Variants in FAM222B observed in about 807,000 individuals in gnomAD.
FAM222B encodes family with sequence similarity 222 member B, also known as protein FAM222B.
In FAM222B, 12 loss-of-function variants were observed where a neutral mutation model predicts 38.0. The observed-to-expected ratio is 0.32, with a 90% CI of 0.20 to 0.51. FAM222B has a LOEUF of 0.51. Among genes scored for constraint, FAM222B ranks in the 20% least tolerant of loss-of-function variants. FAM222B has a pLI of 0.97. For missense variants in FAM222B, 716 were observed against 754.2 expected (o/e 0.95, Z 0.59); for synonymous variants, 329 against 317.2 (o/e 1.04, Z -0.40).
intron 1 of FAM222B, among the ~76,000 whole-genome samples, chr17:28,774,856 C>T (rs1191596140): frequency 6.6e-6 from 1 of 151,660 alleles, no homozygotes; most frequent in African/African-American, 2.4e-5. Flanking sequence ...GCAAGAGAAT[C>T]GCTTGAACTC....
chr17:28,800,034 C>G, intron 1 of FAM222B, among the ~76,000 whole-genome samples: 1 of 144,848 alleles, frequency 6.9e-6, no homozygotes, highest in South Asian at 2.2e-4. Flanking sequence ...ATGATACTTT[C>G]TTTTTTTTTT....
At chr17:28,795,247 C>T (rs777112379) in intron 1 of FAM222B, among the ~76,000 whole-genome samples, 1 of 152,148 alleles carries the variant, frequency 6.6e-6, no homozygotes, top group Non-Finnish European at 1.5e-5. Context: ...CCACTTCAAG[C>T]GATTCTCCCA....
At chr17:28,794,720 G>A (rs1033032327) in intron 1 of FAM222B, among the ~76,000 whole-genome samples, 2 of 152,160 alleles carry the variant, frequency 1.3e-5, no homozygotes, top group East Asian at 3.9e-4. Flanking sequence ...CTTCAAGAAA[G>A]GCAAATTATG....
At chr17:28,768,836 C>CAAAAAAAAAAAAAAAAAAAA in intron 1 of FAM222B, among the ~76,000 whole-genome samples, 1 of 70,878 alleles carries the variant, frequency 1.4e-5, no homozygotes, top group Non-Finnish European at 2.7e-5. Context: ...AACTCTGTCT[C>CAAAAAAAAAAAAAAAAAAAA]AAAAAAAAAA....
At chr17:28,829,078 G>C (rs2038553082) in intron 1 of FAM222B, among the ~76,000 whole-genome samples, 1 of 151,426 alleles carries the variant, frequency 6.6e-6, no homozygotes, top group African/African-American at 2.4e-5. Flanking sequence ...GCTAATTTTT[G>C]TATTTTTAGT....
intron 1 of FAM222B, among the ~76,000 whole-genome samples, chr17:28,794,956 G>A (rs993620047): frequency 3.9e-5 from 6 of 152,012 alleles, no homozygotes; most frequent in Non-Finnish European, 8.8e-5. Context: ...AGACAGGTGT[G>A]GTGGCACGCG....
chr17:28,828,816 G>T (rs150402787), intron 1 of FAM222B, among the ~76,000 whole-genome samples: 1 of 151,872 alleles, frequency 6.6e-6, no homozygotes, highest in Non-Finnish European at 1.5e-5. Context: ...ATGCATAGTT[G>T]TGTAACCACA....
At chr17:28,793,942 T>C (rs1301503563) in intron 1 of FAM222B, among the ~76,000 whole-genome samples, 3 of 151,922 alleles carry the variant, frequency 2.0e-5, no homozygotes, top group Non-Finnish European at 4.4e-5. Flanking sequence ...AGAGACAGGG[T>C]TTCTCCATGT....
chr17:28,768,257 TCTC>T (rs2035436332), intron 1 of FAM222B, among the ~76,000 whole-genome samples: 1 of 151,936 alleles, frequency 6.6e-6, no homozygotes, highest in African/African-American at 2.4e-5. Flanking sequence ...ACGACAAAAA[TCTC>T]CTTATTTTCT....
rs1306208657 is a variant in FAM222B, at chr17:28,756,535, A to C, written c.*1735T>G. On this transcript the variant is annotated 3_prime_UTR_variant, in exon 3 of 3. Coordinates refer to ENST00000581407, the MANE Select transcript of FAM222B (RefSeq NM_001077498.3). ...GGTGCTCTTTAAATCTGACTCAGAA[A>C]AGCAGGAACTGGAAGAGGGCCCTGG... The C allele has an allele frequency of 6.6e-6, 1 of 152,502 alleles. No homozygotes were observed. The highest frequency in any genetic ancestry group is 1.5e-5 in the Non-Finnish European group (1 of 68,088). The allele number at this position is 152,502 out of a possible 1,614,324, so 9.4% of individuals were successfully genotyped here.
At chr17:28,835,886 G>T (rs2038830897) in intron 1 of FAM222B, among the ~76,000 whole-genome samples, 1 of 151,928 alleles carries the variant, frequency 6.6e-6, no homozygotes. Context: ...TATTGCCCAG[G>T]CTGGTCTGGA....
At chr17:28,774,832 C>G (rs2035805772) in intron 1 of FAM222B, among the ~76,000 whole-genome samples, 1 of 151,776 alleles carries the variant, frequency 6.6e-6, no homozygotes, top group Non-Finnish European at 1.5e-5. Flanking sequence ...ATCCCAGCTA[C>G]TCAGGAGGCT....
intron 2 of FAM222B, 104 bp downstream of exon 2, chr17:28,766,482 T>C: frequency 3.6e-6 from 3 of 823,904 alleles, no homozygotes; most frequent in Non-Finnish European, 5.6e-6. Flanking sequence ...AAGAAAGGTG[T>C]CAAAATTCAA....
chr17:28,777,611 A>G (rs1423825727), intron 1 of FAM222B, among the ~76,000 whole-genome samples: 1 of 152,186 alleles, frequency 6.6e-6, no homozygotes, highest in African/African-American at 2.4e-5. Flanking sequence ...TAAATGTTTA[A>G]TAACTTTTAC....
At chr17:28,813,643 G>T (rs1006058723) in intron 1 of FAM222B, among the ~76,000 whole-genome samples, 3 of 151,380 alleles carry the variant, frequency 2.0e-5, no homozygotes, top group Admixed American at 6.6e-5. Context: ...TCTCCTGCCT[G>T]AGCCTCCCAA....
chr17:28,777,964 A>AT (rs2035968209), intron 1 of FAM222B, among the ~76,000 whole-genome samples: 1 of 105,298 alleles, frequency 9.5e-6, no homozygotes, highest in Non-Finnish European at 2.0e-5. Context: ...AATTTTTTGT[A>AT]TTTTTAGTAG....
rs898089415 is a variant in FAM222B, at chr17:28,801,582, G to A, written c.-40-34875C>T. ...AAACAGGCTGGGCATGGTGGCTCACGCCTGTAATCCCAGCACTTTACTATT... is the reference window on the plus strand; with the variant it reads ...AAACAGGCTGGGCATGGTGGCTCACACCTGTAATCCCAGCACTTTACTATT... On this transcript the variant is annotated intron_variant, in intron 1 of 2. Transcript: ENST00000581407. Among the ~76,000 whole-genome samples, 6 of 151,942 alleles carry A rather than the reference G, an allele frequency of 3.9e-5. No individual in the cohort carries two copies. The East Asian group carries it at 1.2e-3, about 29-fold the overall frequency.
chr17:28,768,004 C>A (rs1197804369), intron 1 of FAM222B, among the ~76,000 whole-genome samples: 1 of 152,140 alleles, frequency 6.6e-6, no homozygotes, highest in Non-Finnish European at 1.5e-5. Flanking sequence ...CATGTCAAGA[C>A]CGCACGAGTT....
chr17:28,839,687 G>A (rs990982068), intron 1 of FAM222B, among the ~76,000 whole-genome samples: 1 of 152,042 alleles, frequency 6.6e-6, no homozygotes, highest in Non-Finnish European at 1.5e-5. Flanking sequence ...TTTCTGTAAT[G>A]ACCTATCACA....
Sources: allele counts gnomAD v4.1 joint callset (sites outside exome capture counted in the v4.1 genomes callset), GRCh38; gene constraint gnomAD v4.1.1; transcripts MANE v1.5; gene names NCBI Gene and HGNC (gene_info 2026-07-23, HGNC 2026-07-21).